The following FBXW4 variants were observed in gnomAD, a reference collection of about 807,000 sequenced individuals.
FBXW4 encodes F-box and WD repeat domain containing 4.
A neutral mutation model predicts 61.8 loss-of-function variants in FBXW4; 40 were observed. The ratio of observed to expected loss-of-function variants is 0.65; its 90% CI spans 0.50 to 0.84. The LOEUF (loss-of-function observed/expected upper bound fraction) is 0.84. FBXW4 is among the 40% of genes least tolerant of loss of function. The pLI is 0.00. For missense variants in FBXW4, 672 were observed against 753.8 expected, an observed-to-expected ratio of 0.89 and a Z score of 1.27; for synonymous variants, 311 against 313.8, an observed-to-expected ratio of 0.99 and a Z score of 0.10.
chr10:101,676,801 T>A (rs2064415265), intron 1 of FBXW4: 1 of 152,602 alleles, frequency 6.6e-6, no homozygotes, highest in South Asian at 2.1e-4. Flanking sequence ...GATCATAAAC[T>A]TAAAATCTAA....
intron 5 of FBXW4, among the ~76,000 whole-genome samples, chr10:101,638,859 G>A (rs559610658): frequency 3.9e-5 from 6 of 152,268 alleles, no homozygotes; most frequent in Admixed American, 1.3e-4. Flanking sequence ...CCAGTTTTCC[G>A]GCAGCTCTGA....
intron 5 of FBXW4, among the ~76,000 whole-genome samples, chr10:101,658,249 A>C (rs1005347363): frequency 2.0e-5 from 3 of 151,964 alleles, no homozygotes; most frequent in African/African-American, 4.8e-5. Flanking sequence ...ATTTAAAAAT[A>C]AAAAAAATGG....
chr10:101,620,583 G>A (rs1436864636), intron 6 of FBXW4, among the ~76,000 whole-genome samples: 1 of 152,194 alleles, frequency 6.6e-6, no homozygotes, highest in Non-Finnish European at 1.5e-5. Flanking sequence ...GAGCGGGCAG[G>A]GCTGTTTCTT....
Position 101,627,832 on chromosome 10 carries a change from C to T in FBXW4, c.1236-3022G>A, listed in dbSNP as rs569457161. Among the ~76,000 whole-genome samples the T allele has an allele frequency of 2.6e-5, 4 of 152,274 alleles. No individual in the cohort carries two copies. In the South Asian group the frequency reaches 8.3e-4, roughly 32 times the overall value. On this transcript the variant is annotated intron_variant, in intron 5 of 8. Transcript: ENST00000331272. ...TGTGGCTGCACACAGGACCTGTTAC[C>T]CCCACACTCAGACTCCTCCCTTGAG...
At chr10:101,643,572 GGGCACACATGTCCCACA>G (rs1475733162) in intron 5 of FBXW4, among the ~76,000 whole-genome samples, 1 of 152,180 alleles carries the variant, frequency 6.6e-6, no homozygotes, top group Non-Finnish European at 1.5e-5. Context: ...AGCGGTCTGT[GGGCACACATGTCCCACA>G]CAAGGAAACT....
chr10:101,651,714 T>C (rs1233428555), intron 5 of FBXW4, among the ~76,000 whole-genome samples: 3 of 151,958 alleles, frequency 2.0e-5, no homozygotes, highest in Non-Finnish European at 2.9e-5. Context: ...CCCCACCCAC[T>C]GCTTGCTTTT....
At chr10:101,677,924 T>C (rs2064432018) in intron 1 of FBXW4, among the ~76,000 whole-genome samples, 1 of 152,090 alleles carries the variant, frequency 6.6e-6, no homozygotes, top group Non-Finnish European at 1.5e-5. Flanking sequence ...CAATGATATG[T>C]ATGCACACTG....
At chr10:101,641,582 CA>C (rs975909397) in intron 5 of FBXW4, among the ~76,000 whole-genome samples, 30 of 151,890 alleles carry the variant, frequency 2.0e-4, no homozygotes, top group African/African-American at 7.0e-4. Flanking sequence ...ACACAAAACA[CA>C]AGAGAAACCA....
chr10:101,671,843 T>C (rs1307287972), intron 4 of FBXW4, among the ~76,000 whole-genome samples: 1 of 152,196 alleles, frequency 6.6e-6, no homozygotes, highest in Non-Finnish European at 1.5e-5. Flanking sequence ...TCAAAAGATA[T>C]GCTGGATTTT....
At position 101,676,461 on chromosome 10, in the gene FBXW4, C is replaced by A. The variant is rs187669687; in HGVS notation, c.726-25G>T. 8.8e-6 allele frequency: 14 copies of A among 1,583,916 alleles called. No homozygotes were observed. In the African/African-American group the frequency reaches 1.6e-4, roughly 18 times the overall value. On this transcript the variant is annotated intron_variant, in intron 1 of 8. Coordinates refer to ENST00000331272, the MANE Select transcript of FBXW4 (RefSeq NM_022039.4). ...CCTATGTCCAGACAGAACAGATAAT[C>A]CAATCACTACAACTTATTGCCAACC...
chr10:101,651,963 T>G (rs2064149388), intron 5 of FBXW4, among the ~76,000 whole-genome samples: 1 of 152,128 alleles, frequency 6.6e-6, no homozygotes. Flanking sequence ...TAAATTCTTT[T>G]GACCTGCACC....
chr10:101,654,355 G>A (rs1337292995), intron 5 of FBXW4, among the ~76,000 whole-genome samples: 1 of 151,910 alleles, frequency 6.6e-6, no homozygotes, highest in Admixed American at 6.5e-5. Context: ...CACTTAAATT[G>A]TACATTTTAA....
intron 4 of FBXW4, 62 bp from the exon 5 acceptor site, chr10:101,668,042 G>T: frequency 7.8e-7 from 1 of 1,284,852 alleles, no homozygotes; most frequent in Non-Finnish European, 1.1e-6. Flanking sequence ...GAGGAGAGGT[G>T]CTCCGGGAGA....
At position 101,676,397 on chromosome 10, in the gene FBXW4, A is replaced by C; in HGVS notation, c.765T>G (p.Ser255=). Residue 255 remains serine (S), a synonymous_variant, in exon 2 of 9, where the codon TCT becomes TCG. Transcript: ENST00000331272. ...GGCAGCGCCCCAGTCTCCAGTTCTG[A>C]GACACCTTCACTCGTTCCTTCACTG... ...SVPVKERVKV[S]QNWRLGRCRE... 1 of 1,613,808 alleles carries C rather than the reference A, an allele frequency of 6.2e-7. No homozygotes were observed. Among genetic ancestry groups the C allele is most frequent in the Non-Finnish European group, 8.5e-7 (1 of 1,179,916 alleles).
chr10:101,642,910 G>A (rs754897658), intron 5 of FBXW4, among the ~76,000 whole-genome samples: 13 of 152,102 alleles, frequency 8.5e-5, no homozygotes, highest in Middle Eastern at 3.2e-3. Flanking sequence ...TGTGATCTGG[G>A]GGTACGCACA....
rs1270344928 is a variant in FBXW4 at position 101,674,672 on chromosome 10, C to T, written c.822-999G>A. Among the ~76,000 whole-genome samples, 7 of 152,280 alleles carry T rather than the reference C, an allele frequency of 4.6e-5. No individual in the cohort carries two copies. In the South Asian group the frequency reaches 1.5e-3, roughly 32 times the overall value. ...AAGTGTGGCAATGGAAAAACACAGC[C>T]CCAGAGCATTCTGCTACAGTTCAGG... On this transcript the variant is annotated intron_variant, in intron 2 of 8. Transcript: ENST00000331272.
chr10:101,688,581 T>G (rs914653023), intron 1 of FBXW4, among the ~76,000 whole-genome samples: 1 of 152,240 alleles, frequency 6.6e-6, no homozygotes, highest in Non-Finnish European at 1.5e-5. Context: ...TTTACATGAT[T>G]CAGGGTACAT....
In FBXW4 at chr10:101,624,998, C is replaced by A. The variant is rs970599144; in HGVS notation, c.1236-188G>T. The A allele has an allele frequency of 1.5e-5, 10 of 658,466 alleles. No homozygotes were observed. In the African/African-American group the frequency reaches 1.8e-4, roughly 12 times the overall value. 40.8% of individuals were successfully genotyped at this position (658,466 alleles called of 1,614,324 possible). ...CTTGGAGCACTGTGAGGGGTGTAGC[C>A]CCCAGTGGTGCCTGGCCAGAAGACC... On this transcript the variant is annotated intron_variant, in intron 5 of 8. Transcript: ENST00000331272.
chr10:101,614,514 G>A (rs1213671111), intron 6 of FBXW4, among the ~76,000 whole-genome samples: 2 of 152,144 alleles, frequency 1.3e-5, no homozygotes, highest in East Asian at 3.9e-4. Context: ...CAGCCCAAGG[G>A]GTCCCTGCCC....
Sources: allele counts gnomAD v4.1 joint callset (sites outside exome capture counted in the v4.1 genomes callset), GRCh38; gene constraint gnomAD v4.1.1; transcripts MANE v1.5; gene names NCBI Gene and HGNC (gene_info 2026-07-23, HGNC 2026-07-21).